Variants in GPR39 observed in about 807,000 individuals in gnomAD.
GPR39 encodes zinc sensing receptor.
In GPR39, 23 loss-of-function variants were observed where a neutral mutation model predicts 18.4. The observed-to-expected ratio is 1.25, with a 90% CI of 0.90 to 1.77. The LOEUF (loss-of-function observed/expected upper bound fraction) is 1.77. GPR39 is among the 40% of genes most tolerant of loss of function. GPR39 has a pLI of 0.00. For missense variants in GPR39, 647 were observed against 602.4 expected, an observed-to-expected ratio of 1.07 and a Z score of -0.78; for synonymous variants, 280 against 257.9, an observed-to-expected ratio of 1.09 and a Z score of -0.82.
At chr2:132,642,005 AAATTAAGAG>A (rs1681864879) in intron 1 of GPR39, among the ~76,000 whole-genome samples, 1 of 152,184 alleles carries the variant, frequency 6.6e-6, no homozygotes, top group Non-Finnish European at 1.5e-5. Flanking sequence ...CTCATTTGTT[AAATTAAGAG>A]AATAACTATT....
intron 1 of GPR39, among the ~76,000 whole-genome samples, chr2:132,623,850 A>G (rs542578737): frequency 5.4e-4 from 82 of 152,260 alleles, no homozygotes; most frequent in African/African-American, 1.9e-3. Context: ...TCAGCCAAGG[A>G]AGATTTTGGA....
At chr2:132,627,020 A>C (rs908867702) in intron 1 of GPR39, among the ~76,000 whole-genome samples, 5 of 152,098 alleles carry the variant, frequency 3.3e-5, no homozygotes, top group African/African-American at 1.2e-4. Context: ...AAGCCGCCCC[A>C]GTGTTGGGGA....
chr2:132,564,803 C>CTTTTTTTTTTTTTTTTTTTTTTTTT (rs1680316668), intron 1 of GPR39, among the ~76,000 whole-genome samples: 1 of 91,708 alleles, frequency 1.1e-5, no homozygotes, highest in East Asian at 4.0e-4. Flanking sequence ...CTATTTTTTT[C>CTTTTTTTTTTTTTTTTTTTTTTTTT]TTTTTTCTTT....
intron 1 of GPR39, among the ~76,000 whole-genome samples, chr2:132,563,870 T>C (rs758386676): frequency 2.6e-5 from 4 of 152,082 alleles, no homozygotes; most frequent in Non-Finnish European, 4.4e-5. Context: ...TGGCTGCACA[T>C]TGGAATTGCC....
At chr2:132,474,653 C>A (rs749650890) in intron 1 of GPR39, among the ~76,000 whole-genome samples, 8 of 152,196 alleles carry the variant, frequency 5.3e-5, no homozygotes, top group Non-Finnish European at 1.0e-4. Context: ...CTTGAAACAC[C>A]ATCACCATAG....
At chr2:132,547,961 G>A (rs1679978388) in intron 1 of GPR39, among the ~76,000 whole-genome samples, 3 of 152,062 alleles carry the variant, frequency 2.0e-5, no homozygotes, top group Admixed American at 1.3e-4. Context: ...GCTTTACTGG[G>A]CTGGAAATTT....
At chr2:132,557,052 A>T (rs1680165053) in intron 1 of GPR39, among the ~76,000 whole-genome samples, 1 of 148,394 alleles carries the variant, frequency 6.7e-6, no homozygotes. Context: ...ATGGTGGCTC[A>T]TGCCTGTAAT....
rs190925259 is a variant in GPR39, at chr2:132,468,840, G to T, written c.856+50942G>T. On this transcript the variant is annotated intron_variant, in intron 1 of 1. Coordinates refer to ENST00000329321, the MANE Select transcript of GPR39 (RefSeq NM_001508.3). ...GAAAAAGGGGACAGATGAGAGAGAG[G>T]AGGCAGGGTGACCTTTGCTTGTCTT... Among the ~76,000 whole-genome samples, 581 of 152,154 alleles carry T rather than the reference G, an allele frequency of 3.8e-3. 15 individuals are homozygous for T. Among genetic ancestry groups the T allele is most frequent in the Admixed American group, 0.036 (553 of 15,268 alleles).
At chr2:132,465,031 T>C (rs1680902195) in intron 1 of GPR39, among the ~76,000 whole-genome samples, 1 of 152,200 alleles carries the variant, frequency 6.6e-6, no homozygotes, top group Non-Finnish European at 1.5e-5. Context: ...AAAATGATGA[T>C]TTGACTTGCT....
In GPR39 at chr2:132,564,769, G is replaced by C. The variant is rs376926625; in HGVS notation, c.857-80332G>C. The stretch of plus-strand genomic sequence containing the variant: ...TCTTATATGATTTCTCAACACATTG[G>C]AATCACCTAGGAAGCTTTAATAACT... On this transcript the variant is annotated intron_variant, in intron 1 of 1. Coordinates refer to ENST00000329321, the MANE Select transcript of GPR39 (RefSeq NM_001508.3). Among the ~76,000 whole-genome samples the C allele has an allele frequency of 6.8e-5, 10 of 147,692 alleles. No homozygotes were observed. In the Admixed American group the frequency reaches 6.8e-4, roughly 10 times the overall value.
At chr2:132,503,951 T>TC (rs1558819026) in intron 1 of GPR39, among the ~76,000 whole-genome samples, 1 of 152,060 alleles carries the variant, frequency 6.6e-6, no homozygotes, top group Non-Finnish European at 1.5e-5. Context: ...CCCTCCATGC[T>TC]CCCCCAACAG....
intron 1 of GPR39, among the ~76,000 whole-genome samples, chr2:132,488,169 T>C (rs1014463776): frequency 9.2e-5 from 14 of 152,208 alleles, no homozygotes; most frequent in African/African-American, 3.1e-4. Flanking sequence ...ATTTAAGACC[T>C]TTGTTAATAG....
chr2:132,484,888 G>A (rs1681301155), intron 1 of GPR39, among the ~76,000 whole-genome samples: 1 of 152,184 alleles, frequency 6.6e-6, no homozygotes. Context: ...CTGGCAAGAG[G>A]AAACAAATCC....
chr2:132,494,334 G>T (rs537411699), intron 1 of GPR39, among the ~76,000 whole-genome samples: 8 of 152,112 alleles, frequency 5.3e-5, no homozygotes, highest in African/African-American at 1.9e-4. Context: ...TGACATGAAC[G>T]TGTTTATTGC....
intron 1 of GPR39, among the ~76,000 whole-genome samples, chr2:132,588,984 CT>C (rs1161808913): frequency 1.4e-5 from 2 of 146,058 alleles, no homozygotes; most frequent in African/African-American, 2.6e-5. Context: ...CTGATCTCCC[CT>C]TAGAACAGCT....
intron 1 of GPR39, among the ~76,000 whole-genome samples, chr2:132,583,834 A>G (rs79010681): frequency 0.027 from 4,076 of 151,636 alleles, 187 homozygotes; most frequent in African/African-American, 0.091. Context: ...ACAGCACAGC[A>G]ATGTCCTCTC....
intron 1 of GPR39, among the ~76,000 whole-genome samples, chr2:132,551,343 A>T (rs1167993375): frequency 6.6e-6 from 1 of 152,162 alleles, no homozygotes; most frequent in Non-Finnish European, 1.5e-5. Context: ...ACTAGCCAGA[A>T]TTGGCCATGA....
intron 1 of GPR39, chr2:132,488,571 T>G (rs1443895825): frequency 2.0e-5 from 3 of 153,230 alleles, no homozygotes; most frequent in African/African-American, 4.8e-5. Context: ...CACATTCTGC[T>G]CAGCCTCAGG....
At chr2:132,503,687 T>G (rs1211878548) in intron 1 of GPR39, among the ~76,000 whole-genome samples, 1 of 152,208 alleles carries the variant, frequency 6.6e-6, no homozygotes, top group Non-Finnish European at 1.5e-5. Context: ...TGTCTTTGGC[T>G]ACCAGAGTTG....
Sources: allele counts gnomAD v4.1 joint callset (sites outside exome capture counted in the v4.1 genomes callset), GRCh38; gene constraint gnomAD v4.1.1; transcripts MANE v1.5; gene names NCBI Gene and HGNC (gene_info 2026-07-23, HGNC 2026-07-21).